BAZ1A: variants seen among roughly 807,000 people sequenced by gnomAD.
BAZ1A encodes bromodomain adjacent to zinc finger domain 1A.
Under a neutral mutation model 185.2 loss-of-function variants are expected in BAZ1A, and 50 were observed. That is an observed-to-expected ratio of 0.27 (90% CI 0.22 to 0.34). The LOEUF is 0.34. Among genes scored for constraint, BAZ1A ranks in the 10% least tolerant of loss-of-function variants. BAZ1A has a pLI of 1.00. For missense variants in BAZ1A, 1,356 were observed against 1,839.9 expected (o/e 0.74, Z 4.81); for synonymous variants, 571 against 615.6 (o/e 0.93, Z 1.07).
At chr14:34,850,008 C>G (rs1044628329) in intron 3 of BAZ1A, among the ~76,000 whole-genome samples, 1 of 152,084 alleles carries the variant, frequency 6.6e-6, no homozygotes, top group Non-Finnish European at 1.5e-5. Flanking sequence ...ATTTTTGTAT[C>G]CCCCATCAGA....
intron 2 of BAZ1A, among the ~76,000 whole-genome samples, chr14:34,864,871 G>A (rs563833602): frequency 1.3e-3 from 199 of 151,662 alleles, no homozygotes; most frequent in Non-Finnish European, 1.4e-3. Flanking sequence ...CCGCCTCCCA[G>A]GTTCAAGGGA....
At position 34,753,430 on chromosome 14, in the gene BAZ1A, C is replaced by T. The variant is rs771501067; in HGVS notation, c.*78G>A. Reference sequence around the variant, plus strand: ...TCATGTGGTCAATCAATTGTTATTGCTTTATACAGCATGATTTAATGTTCC... The same window carrying T: ...TCATGTGGTCAATCAATTGTTATTGTTTTATACAGCATGATTTAATGTTCC... On this transcript the variant is annotated 3_prime_UTR_variant, in exon 27 of 27. Coordinates refer to ENST00000360310, the MANE Select transcript of BAZ1A (RefSeq NM_013448.3). 1 of 1,332,156 alleles carries T rather than the reference C, an allele frequency of 7.5e-7. No individual in the cohort carries two copies. Among genetic ancestry groups the T allele is most frequent in the Non-Finnish European group, 1.1e-6 (1 of 949,196 alleles). The allele number at this position is 1,332,156 out of a possible 1,614,324, so 82.5% of individuals were successfully genotyped here. A position where few individuals can be genotyped will look rare whatever the true frequency, so the allele number is the denominator to read the frequency against.
chr14:34,775,836 A>G (rs1460706698), intron 18 of BAZ1A, 83 bp downstream of exon 18: 4 of 1,052,180 alleles, frequency 3.8e-6, no homozygotes, highest in Admixed American at 2.3e-5. Context: ...TATTTCTAAT[A>G]GGTTGCAAAA....
At chr14:34,805,065 A>G (rs1245138693) in intron 6 of BAZ1A, among the ~76,000 whole-genome samples, 1 of 152,154 alleles carries the variant, frequency 6.6e-6, no homozygotes, top group Non-Finnish European at 1.5e-5. Flanking sequence ...GGTTGTTTGA[A>G]TGTAGCACCT....
rs569053239 is a variant in BAZ1A, at chr14:34,871,488, A to G, written c.113+3004T>C. On this transcript the variant is annotated intron_variant, in intron 2 of 26. Transcript: ENST00000360310. ...CAAGAGTTAGCAATTAGTTAAGGAG[A>G]ATGTAGTAAGGAGCTTCTGCTACAT... Among the ~76,000 whole-genome samples the G allele has an allele frequency of 7.2e-5, 11 of 152,372 alleles. No individual in the cohort carries two copies. In the South Asian group the frequency reaches 2.3e-3, roughly 32 times the overall value.
At chr14:34,789,349 G>A (rs898962065) in intron 12 of BAZ1A, among the ~76,000 whole-genome samples, 1 of 152,152 alleles carries the variant, frequency 6.6e-6, no homozygotes, top group Non-Finnish European at 1.5e-5. Flanking sequence ...ATTTTTAATT[G>A]TGTTAAATAA....
At position 34,823,252 on chromosome 14, in the gene BAZ1A, C is replaced by T. The variant is rs550603041; in HGVS notation, c.536+2761G>A. Among the ~76,000 whole-genome samples the T allele has an allele frequency of 2.8e-4, 43 of 151,514 alleles. No homozygotes were observed. The East Asian group carries it at 3.5e-3, about 12-fold the overall frequency. ...CGCCTGTAGTCTCAGCTACTCAGGA[C>T]GCTAAGGCGGGAGATCACTTGAATC... On this transcript the variant is annotated intron_variant, in intron 4 of 26. Transcript: ENST00000360310.
intron 3 of BAZ1A, among the ~76,000 whole-genome samples, chr14:34,836,955 T>A (rs2042340323): frequency 6.6e-6 from 1 of 151,990 alleles, no homozygotes; most frequent in Non-Finnish European, 1.5e-5. Context: ...TTATTTTTAG[T>A]AGACACATGG....
At position 34,753,526 on chromosome 14, in the gene BAZ1A, C is replaced by T. The variant is rs61754296; in HGVS notation, c.4653G>A (p.Ala1551=). The T allele has an allele frequency of 0.12, 198,213 of 1,613,714 alleles. 13,898 individuals are homozygous for T. The highest frequency in any genetic ancestry group is 0.29 in the Admixed American group (17,176 of 59,918). The change falls in exon 27 of 27, where the codon GCG becomes GCA. Residue 1551 remains alanine, a synonymous_variant. Transcript: ENST00000360310. ...NVDQVSTPPA[A]KKSRI is the part of the protein sequence containing the mutation. Reference sequence around the variant, plus strand: ...GACAAAGTCAGATTCGTGACTTTTTCGCAGCCGGTGGTGTGCTAACTTGGT... The same window carrying T: ...GACAAAGTCAGATTCGTGACTTTTTTGCAGCCGGTGGTGTGCTAACTTGGT...
intron 17 of BAZ1A, 194 bp downstream of exon 17, chr14:34,779,992 T>A: frequency 6.7e-6 from 4 of 595,644 alleles, no homozygotes; most frequent in Non-Finnish European, 1.1e-5. Context: ...GACCCAATCA[T>A]AAATGTACTA....
At chr14:34,862,418 C>T (rs1566602750) in intron 2 of BAZ1A, 96 bp from the exon 3 acceptor site, 3 of 1,398,900 alleles carry the variant, frequency 2.1e-6, no homozygotes, top group Non-Finnish European at 2.8e-6. Context: ...TATTTTTGTG[C>T]CTTTAATGCA....
intron 23 of BAZ1A, among the ~76,000 whole-genome samples, chr14:34,764,289 C>CTTTTTTTTT (rs34861206): frequency 2.7e-5 from 3 of 111,850 alleles, no homozygotes; most frequent in African/African-American, 7.0e-5. Flanking sequence ...TTTTTCTTTT[C>CTTTTTTTTT]TTTTTTTTTT....
At chr14:34,849,517 T>A (rs2042565377) in intron 3 of BAZ1A, among the ~76,000 whole-genome samples, 1 of 152,142 alleles carries the variant, frequency 6.6e-6, no homozygotes, top group South Asian at 2.1e-4. Context: ...GATACATGAA[T>A]CTTTTACTTT....
Position 34,818,977 on chromosome 14 carries a change from T to C in BAZ1A, c.536+7036A>G, listed in dbSNP as rs369925158. ...TAATCCGGTGAAACCCCATCTCTACTAAAAATACAAAAAATTAGCCGGGCG... is the reference window on the plus strand; with the variant it reads ...TAATCCGGTGAAACCCCATCTCTACCAAAAATACAAAAAATTAGCCGGGCG... On this transcript the variant is annotated intron_variant, in intron 4 of 26. Coordinates refer to ENST00000360310, the MANE Select transcript of BAZ1A (RefSeq NM_013448.3). Among the ~76,000 whole-genome samples the C allele has an allele frequency of 4.2e-3, 628 of 151,314 alleles. 8 individuals are homozygous for C. Among genetic ancestry groups the C allele is most frequent in the African/African-American group, 0.014 (589 of 41,236 alleles).
Position 34,795,770 on chromosome 14 carries a change from A to G in BAZ1A, c.1129-5T>C, listed in dbSNP as rs763936674. 49 of 1,603,152 alleles carry G rather than the reference A, an allele frequency of 3.1e-5. No individual in the cohort carries two copies. The highest frequency in any genetic ancestry group is 3.9e-5 in the Non-Finnish European group (46 of 1,173,398). ...TTCACGTAACTTCTCTCTTTCCTAG[A>G]AATTTTTAAAAGTTAATAACAATTC... On this transcript the variant is annotated splice_region_variant and splice_polypyrimidine_tract_variant and intron_variant, in intron 9 of 26. Coordinates refer to ENST00000360310, the MANE Select transcript of BAZ1A (RefSeq NM_013448.3).
chr14:34,841,830 T>A lies in BAZ1A; in HGVS notation c.393-15674A>T, dbSNP rs181339920. Among the ~76,000 whole-genome samples the A allele has an allele frequency of 5.6e-3, 847 of 152,286 alleles. 8 individuals are homozygous for A. The highest frequency in any genetic ancestry group is 0.02 in the African/African-American group (816 of 41,552). On this transcript the variant is annotated intron_variant, in intron 3 of 26. Coordinates refer to ENST00000360310, the MANE Select transcript of BAZ1A (RefSeq NM_013448.3). ...ATGTCTGAGAACAATTAAGTACTGATCATTTACTCATATTTAATTATCCTG... is the reference window on the plus strand; with the variant it reads ...ATGTCTGAGAACAATTAAGTACTGAACATTTACTCATATTTAATTATCCTG...
intron 17 of BAZ1A, among the ~76,000 whole-genome samples, chr14:34,778,854 A>G (rs1427701708): frequency 6.6e-6 from 1 of 151,844 alleles, no homozygotes; most frequent in African/African-American, 2.4e-5. Context: ...TCTTTACTAT[A>G]TTTTTATTTT....
intron 3 of BAZ1A, among the ~76,000 whole-genome samples, chr14:34,852,968 G>T (rs767129984): frequency 6.6e-6 from 1 of 152,012 alleles, no homozygotes; most frequent in Non-Finnish European, 1.5e-5. Flanking sequence ...CCATGACTTG[G>T]TTTTTTGTTC....
chr14:34,841,000 A>T (rs1373429682), intron 3 of BAZ1A, among the ~76,000 whole-genome samples: 1 of 152,012 alleles, frequency 6.6e-6, no homozygotes, highest in East Asian at 1.9e-4. Context: ...CCAGGACAGA[A>T]TGCAATGGCG....
Sources: allele counts gnomAD v4.1 joint callset (sites outside exome capture counted in the v4.1 genomes callset), GRCh38; gene constraint gnomAD v4.1.1; transcripts MANE v1.5; gene names NCBI Gene and HGNC (gene_info 2026-07-23, HGNC 2026-07-21).